Variants in FHIT observed in about 807,000 individuals in gnomAD.
FHIT encodes the protein bis(5'-adenosyl)-triphosphatase.
In FHIT, 19 loss-of-function variants were observed where a neutral mutation model predicts 17.9. The ratio of observed to expected loss-of-function variants is 1.06; its 90% CI spans 0.74 to 1.56. The LOEUF (loss-of-function observed/expected upper bound fraction) is 1.56. FHIT is among the 40% of genes most tolerant of loss of function. The pLI is 0.00. For missense variants in FHIT, 248 were observed against 189.2 expected (o/e 1.31, Z -1.82); for synonymous variants, 81 against 69.7 (o/e 1.16, Z -0.81).
intron 1 of FHIT, chr3:61,244,096 A>T (rs976294679): frequency 6.6e-6 from 1 of 152,192 alleles, no homozygotes; most frequent in Non-Finnish European, 1.5e-5. Context: ...ATCATTCCAC[A>T]ATGCTGTGTT....
intron 7 of FHIT, among the ~76,000 whole-genome samples, chr3:59,953,006 G>C (rs61148215): frequency 0.072 from 10,860 of 151,648 alleles, 517 homozygotes; most frequent in African/African-American, 0.13. Context: ...ATGTCTGCTT[G>C]TGTCTGTCTC....
chr3:59,779,151 C>T (rs1217835343), intron 8 of FHIT, among the ~76,000 whole-genome samples: 1 of 152,186 alleles, frequency 6.6e-6, no homozygotes, highest in Non-Finnish European at 1.5e-5. Flanking sequence ...CTCCATGAAA[C>T]ATTGGCCATA....
intron 5 of FHIT, among the ~76,000 whole-genome samples, chr3:60,067,161 T>A (rs1702551882): frequency 6.6e-6 from 1 of 152,190 alleles, no homozygotes; most frequent in Admixed American, 6.5e-5. Flanking sequence ...TCTATTCCTT[T>A]GCTCAGGGAA....
chr3:61,008,792 T>G (rs1575830784), intron 3 of FHIT, among the ~76,000 whole-genome samples: 1 of 152,174 alleles, frequency 6.6e-6, no homozygotes, highest in East Asian at 1.9e-4. Flanking sequence ...TTAAATCCAA[T>G]AACAAGTTCA....
intron 5 of FHIT, among the ~76,000 whole-genome samples, chr3:60,296,480 T>C (rs190594648): frequency 6.6e-6 from 1 of 152,166 alleles, no homozygotes; most frequent in Non-Finnish European, 1.5e-5. Context: ...CCATGTCTTT[T>C]GCCCATTTTC....
chr3:60,914,822 A>T (rs1467842582), intron 3 of FHIT, among the ~76,000 whole-genome samples: 1 of 152,240 alleles, frequency 6.6e-6, no homozygotes, highest in South Asian at 2.1e-4. Flanking sequence ...GAACAAACAA[A>T]CAGAAATGTA....
chr3:61,041,103 G>A (rs1376647886), intron 3 of FHIT, among the ~76,000 whole-genome samples: 1 of 152,092 alleles, frequency 6.6e-6, no homozygotes. Context: ...AAGACTGGCT[G>A]GGCACGGTGG....
intron 5 of FHIT, among the ~76,000 whole-genome samples, chr3:60,169,149 A>C (rs1389806303): frequency 6.6e-6 from 1 of 152,220 alleles, no homozygotes; most frequent in Non-Finnish European, 1.5e-5. Flanking sequence ...GTGTGTGCCA[A>C]AATAATGAAA....
At chr3:60,514,858 T>G (rs569852067) in intron 5 of FHIT, among the ~76,000 whole-genome samples, 1 of 149,616 alleles carries the variant, frequency 6.7e-6, no homozygotes, top group Non-Finnish European at 1.5e-5. Context: ...AAGGGTATCT[T>G]TGGACACTGA....
chr3:59,757,814 A>T (rs930065934), intron 8 of FHIT, among the ~76,000 whole-genome samples: 3 of 152,224 alleles, frequency 2.0e-5, no homozygotes, highest in African/African-American at 7.2e-5. Flanking sequence ...ACAGGGGTTT[A>T]TATAAAGTCT....
At position 60,123,804 on chromosome 3, in the gene FHIT, A is replaced by G. The variant is rs553885147; in HGVS notation, c.104-109652T>C. ...GTGCTGCTAAAATAATTTATAATCT[A>G]TCATTATACTTCAGTAGTGATAGTA... is the stretch of plus-strand genomic sequence containing the variant. On this transcript the variant is annotated intron_variant, in intron 5 of 9. Transcript: ENST00000492590. Among the ~76,000 whole-genome samples the G allele has an allele frequency of 1.7e-3, 252 of 151,288 alleles. 1 individual carries two copies. Among genetic ancestry groups the G allele is most frequent in the African/African-American group, 5.7e-3 (236 of 41,210 alleles).
chr3:60,751,672 A>G (rs781927112), intron 4 of FHIT, among the ~76,000 whole-genome samples: 5 of 152,204 alleles, frequency 3.3e-5, no homozygotes, highest in Non-Finnish European at 7.3e-5. Context: ...CACAGATGGG[A>G]TAAGTAGAAA....
chr3:60,567,958 A>G (rs1328780040), intron 4 of FHIT, among the ~76,000 whole-genome samples: 2 of 152,194 alleles, frequency 1.3e-5, no homozygotes, highest in African/African-American at 4.8e-5. Context: ...TCAGGAAACA[A>G]CAGGTGCTGG....
chr3:60,580,160 G>A (rs2037706231), intron 4 of FHIT, among the ~76,000 whole-genome samples: 1 of 151,958 alleles, frequency 6.6e-6, no homozygotes, highest in South Asian at 2.1e-4. Flanking sequence ...AAAATTTCAA[G>A]CAAAACCTAT....
At chr3:60,140,689 C>T (rs564085549) in intron 5 of FHIT, among the ~76,000 whole-genome samples, 1 of 151,822 alleles carries the variant, frequency 6.6e-6, no homozygotes, top group South Asian at 2.1e-4. Flanking sequence ...AGCAATTCTC[C>T]TGCCTCAGCC....
intron 5 of FHIT, among the ~76,000 whole-genome samples, chr3:60,213,900 T>G (rs1041642803): frequency 2.2e-4 from 34 of 152,128 alleles, no homozygotes; most frequent in Admixed American, 8.5e-4. Context: ...ATCTCCTATC[T>G]CTAAGTCATA....
chr3:60,155,979 T>C (rs1241225033), intron 5 of FHIT, among the ~76,000 whole-genome samples: 1 of 152,190 alleles, frequency 6.6e-6, no homozygotes, highest in Non-Finnish European at 1.5e-5. Flanking sequence ...TAAAAATCTA[T>C]TGAGATTTCA....
At chr3:61,016,403 C>T (rs1311929466) in intron 3 of FHIT, among the ~76,000 whole-genome samples, 2 of 152,138 alleles carry the variant, frequency 1.3e-5, no homozygotes, top group African/African-American at 4.8e-5. Flanking sequence ...AACAAAGAAA[C>T]AGAGCAAGAC....
At chr3:60,587,460 T>A (rs1401172253) in intron 4 of FHIT, among the ~76,000 whole-genome samples, 1 of 151,952 alleles carries the variant, frequency 6.6e-6, no homozygotes, top group African/African-American at 2.4e-5. Flanking sequence ...ATGGCACACA[T>A]ATGTAACATG....
Sources: gnomAD v4.1 joint callset for allele counts (sites outside exome capture counted in the v4.1 genomes callset) on GRCh38, gnomAD v4.1.1 for gene constraint, MANE v1.5 for transcripts, NCBI Gene and HGNC (gene_info 2026-07-23, HGNC 2026-07-21) for gene names.